The following NDUFS1 variants were observed in gnomAD, a reference collection of about 807,000 sequenced individuals.
NDUFS1 encodes the protein NADH:ubiquinone oxidoreductase core subunit S1.
NDUFS1 carries 61 observed loss-of-function variants against 84.4 expected under a neutral mutation model. That is an observed-to-expected ratio of 0.72 (90% CI 0.59 to 0.89). NDUFS1 has a LOEUF of 0.89. NDUFS1 is among the 40% of genes least tolerant of loss of function. NDUFS1 has a pLI of 0.00. For missense variants in NDUFS1, 891 were observed against 890.0 expected, an observed-to-expected ratio of 1.00 and a Z score of -0.01; for synonymous variants, 275 against 290.0, an observed-to-expected ratio of 0.95 and a Z score of 0.53.
intron 15 of NDUFS1, 35 bp downstream of exon 15, chr2:206,130,053 T>TA (rs748323452): frequency 8.1e-5 from 131 of 1,610,700 alleles, no homozygotes; most frequent in Non-Finnish European, 1.1e-4. Context: ...AATGTACTAC[T>TA]CTCTTTTGTT....
chr2:206,149,943 A>AG lies in NDUFS1; in HGVS notation c.154-19_154-18insC. ...TCACAAGCCTAGAAGTAAAAAAAAAAAAAAAAAAAAAAAAAGCATTAGAAT... is the reference window on the plus strand; with the variant it reads ...TCACAAGCCTAGAAGTAAAAAAAAAAGAAAAAAAAAAAAAAAGCATTAGAAT... On this transcript the variant is annotated intron_variant, in intron 3 of 18. Coordinates refer to ENST00000233190, the MANE Select transcript of NDUFS1 (RefSeq NM_005006.7). 1 of 1,474,502 alleles carries AG rather than the reference A, an allele frequency of 6.8e-7. No individual in the cohort carries two copies. The highest frequency in any genetic ancestry group is 1.7e-5 in the Admixed American group (1 of 57,198). The allele number at this position is 1,474,502 out of a possible 1,614,324, so 91.3% of individuals were successfully genotyped here.
In NDUFS1 at chr2:206,152,493, C is replaced by T. The variant is rs763142775; in HGVS notation, c.79G>A (p.Ala27Thr). ...AATACTTCAATCAAGTTGCTTGCTG[C>T]TGTGGCAGTTGTTCGAACTGACCAT... ...PKGCVRTTATAASNLIEVFVD... is the reference protein window; with the variant it reads ...PKGCVRTTATTASNLIEVFVD... The change falls in exon 3 of 19, where the codon GCA becomes ACA. Residue 27 changes from alanine to threonine, a missense_variant. Physicochemically the swap from Ala to Thr is moderately conservative, Grantham distance 58. Coordinates refer to ENST00000233190, the MANE Select transcript of NDUFS1 (RefSeq NM_005006.7). 6.2e-7 allele frequency: 1 copy of T among 1,614,064 alleles called. No homozygotes were observed. The highest frequency in any genetic ancestry group is 8.5e-7 in the Non-Finnish European group (1 of 1,179,958).
chr2:206,157,963 C>CTTTTTTT (rs1553509152), intron 1 of NDUFS1, among the ~76,000 whole-genome samples: 1 of 131,864 alleles, frequency 7.6e-6, no homozygotes, highest in Non-Finnish European at 1.6e-5. Flanking sequence ...ATTTCAATAG[C>CTTTTTTT]TTTTTTTTTT....
At chr2:206,159,204 C>G in intron 1 of NDUFS1, 137 bp downstream of exon 1, 2 of 1,501,124 alleles carry the variant, frequency 1.3e-6, no homozygotes, top group East Asian at 2.5e-5. Context: ...CAGGGGCTTC[C>G]GAGGCGGCGG....
chr2:206,152,888 G>A (rs1162594863), intron 2 of NDUFS1, among the ~76,000 whole-genome samples: 4 of 151,822 alleles, frequency 2.6e-5, no homozygotes, highest in East Asian at 1.9e-4. Flanking sequence ...ATTTTTAGTA[G>A]AGACAGGGTT....
chr2:206,130,278 G>A, intron 14 of NDUFS1, 36 bp from the exon 15 acceptor site: 1 of 1,609,516 alleles, frequency 6.2e-7, no homozygotes. Context: ...CATAACTGCA[G>A]TATTTTCAAT....
intron 1 of NDUFS1, among the ~76,000 whole-genome samples, chr2:206,157,339 A>G (rs1214202401): frequency 1.3e-5 from 2 of 151,532 alleles, no homozygotes; most frequent in East Asian, 3.9e-4. Context: ...TACTTACTAA[A>G]CTGTAGGTTA....
In NDUFS1 at chr2:206,146,972, A is replaced by G. The variant is rs1272937662; in HGVS notation, c.668T>C (p.Ile223Thr). The G allele has an allele frequency of 1.4e-5, 23 of 1,614,152 alleles. No homozygotes were observed. Among genetic ancestry groups the G allele is most frequent in the Admixed American group, 6.7e-5 (4 of 60,024 alleles). ...MFMSELSGNI[I>T]DICPVGALTS... ...TAGGGCACCTACAGGGCAGATATCA[A>G]TGATATTCCCAGACAGTTCAGACAT... Residue 223 changes from isoleucine (I) to threonine (T), a missense_variant, in exon 8 of 19, where the codon ATT becomes ACT. By Grantham distance (89) the Ile-to-Thr change is moderately conservative. Coordinates refer to ENST00000233190, the MANE Select transcript of NDUFS1 (RefSeq NM_005006.7).
At chr2:206,142,969 T>C (rs968019159) in intron 10 of NDUFS1, 138 bp from the exon 11 acceptor site, 3 of 1,234,858 alleles carry the variant, frequency 2.4e-6, no homozygotes, top group East Asian at 2.5e-5. Flanking sequence ...TTTTACAACA[T>C]GCCCAGGCAC....
intron 15 of NDUFS1, among the ~76,000 whole-genome samples, chr2:206,128,729 C>T (rs777672269): frequency 2.0e-5 from 3 of 150,602 alleles, no homozygotes; most frequent in Non-Finnish European, 4.4e-5. Flanking sequence ...TGCAGTGAGC[C>T]GAGATCACAC....
intron 4 of NDUFS1, 70 bp downstream of exon 4, chr2:206,149,748 T>TA: frequency 2.7e-6 from 3 of 1,125,470 alleles, no homozygotes; most frequent in Non-Finnish European, 4.1e-6. Context: ...TGATTCTAAA[T>TA]AAAGTTTGCT....
chr2:206,157,923 C>A (rs1040127263), intron 1 of NDUFS1, among the ~76,000 whole-genome samples: 2 of 151,868 alleles, frequency 1.3e-5, no homozygotes, highest in African/African-American at 4.8e-5. Context: ...ACCACCCTAT[C>A]CCAATCCACC....
chr2:206,131,131 A>G (rs1041576951), intron 14 of NDUFS1, among the ~76,000 whole-genome samples: 3 of 152,218 alleles, frequency 2.0e-5, no homozygotes, highest in Non-Finnish European at 4.4e-5. Context: ...TAGAAATAGT[A>G]GCCATTCTGA....
chr2:206,149,689 T>G, intron 4 of NDUFS1, 129 bp downstream of exon 4: 1 of 712,236 alleles, frequency 1.4e-6, no homozygotes, highest in South Asian at 1.6e-5. Context: ...TACAAAAGAA[T>G]TAAATTTATA....
At chr2:206,152,120 C>G (rs1692393840) in intron 3 of NDUFS1, among the ~76,000 whole-genome samples, 1 of 152,270 alleles carries the variant, frequency 6.6e-6, no homozygotes, top group East Asian at 1.9e-4. Context: ...CTCGGCCTCC[C>G]AAAGTGCTGG....
Position 206,146,814 on chromosome 2 carries a change from G to C in NDUFS1, c.737+89C>G. The C allele has an allele frequency of 3.1e-6, 4 of 1,308,210 alleles. No individual in the cohort carries two copies. The South Asian group carries it at 5.1e-5, about 17-fold the overall frequency. 81.0% of individuals were successfully genotyped at this position (1,308,210 alleles called of 1,614,324 possible). On this transcript the variant is annotated intron_variant, in intron 8 of 18. Transcript: ENST00000233190. ...ACAAAGTCAACAGACCAAAACAACTGAAACCCAGGAAGAAAATGAACCTTA... is the reference window on the plus strand; with the variant it reads ...ACAAAGTCAACAGACCAAAACAACTCAAACCCAGGAAGAAAATGAACCTTA...
intron 13 of NDUFS1, among the ~76,000 whole-genome samples, chr2:206,136,736 A>G (rs1434157665): frequency 7.1e-6 from 1 of 140,142 alleles, no homozygotes; most frequent in Non-Finnish European, 1.5e-5. Flanking sequence ...ACCTGGCCGG[A>G]AATTCCTTAG....
intron 13 of NDUFS1, among the ~76,000 whole-genome samples, chr2:206,133,503 T>C (rs1350717815): frequency 1.3e-5 from 2 of 152,138 alleles, no homozygotes; most frequent in Admixed American, 6.6e-5. Flanking sequence ...TCCATCTACT[T>C]ACCATGCCAC....
At chr2:206,148,574 A>AG (rs1692248713) in intron 5 of NDUFS1, among the ~76,000 whole-genome samples, 1 of 152,184 alleles carries the variant, frequency 6.6e-6, no homozygotes, top group South Asian at 2.1e-4. Context: ...TGATCACCTG[A>AG]GGCCAGGAGT....
Sources: gnomAD v4.1 joint callset for allele counts (sites outside exome capture counted in the v4.1 genomes callset) on GRCh38, gnomAD v4.1.1 for gene constraint, MANE v1.5 for transcripts, NCBI Gene and HGNC (gene_info 2026-07-23, HGNC 2026-07-21) for gene names.